The following ERC2 variants were observed in gnomAD, a reference collection of about 807,000 sequenced individuals.
ERC2 encodes ELKS/RAB6-interacting/CAST family member 2.
ERC2 carries 42 observed loss-of-function variants against 114.8 expected under a neutral mutation model. The observed-to-expected ratio is 0.37, with a 90% CI of 0.29 to 0.47. ERC2 has a LOEUF of 0.47. Ranked by LOEUF, ERC2 falls within the 20% of genes least tolerant of loss-of-function variation. The pLI, the probability that ERC2 is intolerant of heterozygous loss-of-function variation, is 0.99. For missense variants in ERC2, 939 were observed against 1,150.7 expected, an observed-to-expected ratio of 0.82 and a Z score of 2.66; for synonymous variants, 454 against 425.5, an observed-to-expected ratio of 1.07 and a Z score of -0.82.
chr3:55,758,613 G>C (rs2067209650), intron 14 of ERC2, among the ~76,000 whole-genome samples: 1 of 152,158 alleles, frequency 6.6e-6, no homozygotes, highest in South Asian at 2.1e-4. Flanking sequence ...TGTCTCCTAG[G>C]ACATCGCTAG....
At chr3:56,462,681 C>CTACTTA (rs1414424160) in intron 1 of ERC2, among the ~76,000 whole-genome samples, 8 of 152,112 alleles carry the variant, frequency 5.3e-5, no homozygotes, top group Non-Finnish European at 1.2e-4. Flanking sequence ...TTGGGCAAGT[C>CTACTTA]CTTAACCCCT....
intron 14 of ERC2, among the ~76,000 whole-genome samples, chr3:55,754,968 G>T (rs1255072352): frequency 6.6e-6 from 1 of 152,070 alleles, no homozygotes; most frequent in Non-Finnish European, 1.5e-5. Context: ...GTGGAGGTGG[G>T]GAAGGAGACA....
At chr3:55,986,973 T>A (rs994427635) in intron 11 of ERC2, among the ~76,000 whole-genome samples, 1 of 151,748 alleles carries the variant, frequency 6.6e-6, no homozygotes, top group Non-Finnish European at 1.5e-5. Flanking sequence ...TTCCATACTA[T>A]AAAAAAGTAG....
At chr3:56,296,474 GAA>G (rs1560542062) in intron 2 of ERC2, 39 bp from the exon 3 acceptor site, 1 of 1,552,942 alleles carries the variant, frequency 6.4e-7, no homozygotes, top group Admixed American at 2.0e-5. Context: ...GAGAAAGAAG[GAA>G]AAAAAGTCAA....
At chr3:55,621,915 TGGAAA>T (rs1459116446) in intron 17 of ERC2, among the ~76,000 whole-genome samples, 1 of 152,158 alleles carries the variant, frequency 6.6e-6, no homozygotes, top group Non-Finnish European at 1.5e-5. Context: ...AAATTGAGGC[TGGAAA>T]GGAAAGTCAG....
intron 14 of ERC2, among the ~76,000 whole-genome samples, chr3:55,837,660 G>A (rs1180568910): frequency 1.3e-5 from 2 of 151,458 alleles, no homozygotes; most frequent in Non-Finnish European, 2.9e-5. Flanking sequence ...TCTAAATGAC[G>A]AGTTAATGGG....
At chr3:56,345,014 T>C (rs766883482) in intron 2 of ERC2, among the ~76,000 whole-genome samples, 35 of 152,130 alleles carry the variant, frequency 2.3e-4, no homozygotes, top group Non-Finnish European at 3.8e-4. Context: ...GGCTAACTTA[T>C]AAAGAAAAGA....
At chr3:55,749,765 CTTCCACGCTGT>C (rs999586803) in intron 14 of ERC2, among the ~76,000 whole-genome samples, 5 of 152,196 alleles carry the variant, frequency 3.3e-5, no homozygotes, top group Non-Finnish European at 7.3e-5. Flanking sequence ...CTTGGGTCCC[CTTCCACGCTGT>C]GGAAGCTTTG....
intron 17 of ERC2, among the ~76,000 whole-genome samples, chr3:55,623,707 A>G (rs1456882297): frequency 1.3e-5 from 2 of 152,124 alleles, no homozygotes; most frequent in African/African-American, 4.8e-5. Context: ...AAAATAGCCA[A>G]TCAGAATTAG....
intron 2 of ERC2, among the ~76,000 whole-genome samples, chr3:56,390,345 G>A (rs972634401): frequency 1.3e-5 from 2 of 152,038 alleles, no homozygotes; most frequent in African/African-American, 2.4e-5. Flanking sequence ...AGAATTTCAC[G>A]ACTTTCTTCT....
chr3:55,799,434 GC>G (rs1293051310), intron 14 of ERC2, among the ~76,000 whole-genome samples: 1 of 81,722 alleles, frequency 1.2e-5, no homozygotes, highest in African/African-American at 5.8e-5. Context: ...ATATATATAT[GC>G]CTTATATATA....
chr3:56,290,052 T>C (rs2054981604), intron 3 of ERC2, among the ~76,000 whole-genome samples: 1 of 152,144 alleles, frequency 6.6e-6, no homozygotes, highest in Non-Finnish European at 1.5e-5. Context: ...ACCACAAAAT[T>C]GCCACTGATA....
At chr3:55,928,543 T>C (rs1265683433) in intron 13 of ERC2, among the ~76,000 whole-genome samples, 1 of 152,172 alleles carries the variant, frequency 6.6e-6, no homozygotes, top group East Asian at 1.9e-4. Flanking sequence ...TTTGCAAATA[T>C]TTCCCATTCT....
intron 2 of ERC2, among the ~76,000 whole-genome samples, chr3:56,344,485 C>T (rs2058229036): frequency 6.6e-6 from 1 of 152,176 alleles, no homozygotes; most frequent in Admixed American, 6.5e-5. Context: ...GGGTGAAGAG[C>T]CAGGAGCCAG....
At chr3:55,914,600 C>G (rs2064992759) in intron 13 of ERC2, among the ~76,000 whole-genome samples, 1 of 152,176 alleles carries the variant, frequency 6.6e-6, no homozygotes, top group Admixed American at 6.5e-5. Context: ...GATGCAAGGT[C>G]TGAGAATTCA....
intron 3 of ERC2, among the ~76,000 whole-genome samples, chr3:56,191,714 C>T (rs1279189640): frequency 6.6e-6 from 1 of 152,088 alleles, no homozygotes; most frequent in African/African-American, 2.4e-5. Flanking sequence ...GTTAACTACC[C>T]TGATGTTCCC....
chr3:55,598,785 G>A (rs762771742), intron 17 of ERC2, among the ~76,000 whole-genome samples: 29 of 152,270 alleles, frequency 1.9e-4, no homozygotes, highest in Non-Finnish European at 3.5e-4. Context: ...TGGGGCTGCT[G>A]TAGGGGCAGT....
At chr3:55,663,311 G>C (rs1483686826) in intron 17 of ERC2, among the ~76,000 whole-genome samples, 1 of 152,246 alleles carries the variant, frequency 6.6e-6, no homozygotes, top group Non-Finnish European at 1.5e-5. Flanking sequence ...AGAGCAGCCA[G>C]TAGAGGAGAA....
At chr3:55,695,818 C>T (rs1264711011) in intron 16 of ERC2, among the ~76,000 whole-genome samples, 3 of 152,156 alleles carry the variant, frequency 2.0e-5, no homozygotes, top group Non-Finnish European at 4.4e-5. Flanking sequence ...TCTTACAGCA[C>T]AGATGTTACT....
Sources: allele counts gnomAD v4.1 joint callset (sites outside exome capture counted in the v4.1 genomes callset), GRCh38; gene constraint gnomAD v4.1.1; transcripts MANE v1.5; gene names NCBI Gene and HGNC (gene_info 2026-07-23, HGNC 2026-07-21).